LINGO2: variants seen among roughly 807,000 people sequenced by gnomAD.
LINGO2 encodes the protein leucine-rich repeat and immunoglobulin-like domain-containing nogo receptor-interacting protein 2.
In LINGO2, 14 loss-of-function variants were observed where a neutral mutation model predicts 30.6. That is an observed-to-expected ratio of 0.46 (90% CI 0.30 to 0.72). LINGO2 has a LOEUF of 0.72. LINGO2 is among the 30% of genes least tolerant of loss of function. The pLI, the probability that LINGO2 is intolerant of heterozygous loss-of-function variation, is 0.07. For synonymous variants in LINGO2, 317 were observed against 288.5 expected, an observed-to-expected ratio of 1.10 and a Z score of -1.00; for missense variants, 729 against 751.7, an observed-to-expected ratio of 0.97 and a Z score of 0.35.
chr9:28,808,591 G>A, the LINGO2 span, among the ~76,000 whole-genome samples: 1 of 152,288 alleles, frequency 6.6e-6, no homozygotes, highest in Admixed American at 6.5e-5. Context: ...TTTTGTAAGT[G>A]TGGAGTTTGG....
chr9:28,435,596 G>C (rs1209401046), intron 2 of LINGO2, among the ~76,000 whole-genome samples: 1 of 152,146 alleles, frequency 6.6e-6, no homozygotes, highest in Non-Finnish European at 1.5e-5. Context: ...AATGTAATAG[G>C]AGAAAAAACA....
chr9:28,931,639 A>T, the LINGO2 span, among the ~76,000 whole-genome samples: 3 of 152,228 alleles, frequency 2.0e-5, no homozygotes, highest in Non-Finnish European at 4.4e-5. Context: ...GGCATCGTAC[A>T]GTATAAAATT....
chr9:28,732,920 C>T, the LINGO2 span, among the ~76,000 whole-genome samples: 1 of 152,170 alleles, frequency 6.6e-6, no homozygotes, highest in African/African-American at 2.4e-5. Context: ...TTGGAGAGGC[C>T]AGTTCTGGAG....
At chr9:29,014,150 T>G in the LINGO2 span, among the ~76,000 whole-genome samples, 1 of 152,306 alleles carries the variant, frequency 6.6e-6, no homozygotes, top group South Asian at 2.1e-4. Context: ...TGTTTATTAT[T>G]TCCTCCAGAT....
chr9:28,472,251 A>G (rs945769764), intron 2 of LINGO2, among the ~76,000 whole-genome samples: 2 of 152,138 alleles, frequency 1.3e-5, no homozygotes, highest in Admixed American at 6.5e-5. Context: ...TTTATATACC[A>G]GAAAACAGAA....
chr9:28,770,868 G>A, the LINGO2 span, among the ~76,000 whole-genome samples: 1 of 152,114 alleles, frequency 6.6e-6, no homozygotes, highest in Non-Finnish European at 1.5e-5. Flanking sequence ...CCAAAAGAAG[G>A]ACAGAATTTT....
intron 4 of LINGO2, among the ~76,000 whole-genome samples, chr9:28,075,310 T>G (rs1242126187): frequency 6.6e-6 from 1 of 152,048 alleles, no homozygotes; most frequent in Non-Finnish European, 1.5e-5. Flanking sequence ...TTCCTTTTAT[T>G]GTTGTTTAGT....
At position 28,147,819 on chromosome 9, in the gene LINGO2, G is replaced by A. The variant is rs552732502; in HGVS notation, c.-86-135414C>T. Among the ~76,000 whole-genome samples, 393 of 152,192 alleles carry A rather than the reference G, an allele frequency of 2.6e-3. 3 individuals are homozygous for A. Among genetic ancestry groups the A allele is most frequent in the Non-Finnish European group, 4.8e-3 (326 of 67,992 alleles). ...TTTGACTCCTCTTGTAGGCACCCTC[G>A]CTGGGCTCCTAAGCACTCCTCCACA... is the stretch of plus-strand genomic sequence containing the variant. On this transcript the variant is annotated intron_variant, in intron 4 of 5. Transcript: ENST00000379992. This position sits in a 1 kb window ranked among gnomAD's most constrained non-coding sequence, Gnocchi z 4.7.
chr9:28,122,240 A>G (rs945999450), intron 4 of LINGO2, among the ~76,000 whole-genome samples: 1 of 152,212 alleles, frequency 6.6e-6, no homozygotes, highest in Non-Finnish European at 1.5e-5. Context: ...ATTAAAAATA[A>G]TTTTCAGGAA....
the LINGO2 span, among the ~76,000 whole-genome samples, chr9:29,158,906 T>C: frequency 1.3e-5 from 2 of 152,180 alleles, no homozygotes; most frequent in African/African-American, 4.8e-5. Flanking sequence ...CTCATTTCTT[T>C]TGAGCCCTGC....
intron 4 of LINGO2, among the ~76,000 whole-genome samples, chr9:28,224,561 T>C (rs1277572942): frequency 6.6e-6 from 1 of 152,206 alleles, no homozygotes; most frequent in Non-Finnish European, 1.5e-5. Context: ...AAATAGATTA[T>C]GATTCACTGA....
In LINGO2 at chr9:28,148,278, G is replaced by A; in HGVS notation, c.-86-135873C>T. On this transcript the variant is annotated intron_variant, in intron 4 of 5. Transcript: ENST00000379992. This position sits in a 1 kb window ranked among gnomAD's most constrained non-coding sequence, Gnocchi z 5.1. ...AGGGTCCTGTCTCCTGTGGTCTGGAGCCCCGCCTCAAGGAAGAAACCCATG... is the reference window on the plus strand; with the variant it reads ...AGGGTCCTGTCTCCTGTGGTCTGGAACCCCGCCTCAAGGAAGAAACCCATG... 2.6e-6 allele frequency: 2 copies of A among 782,614 alleles called. No individual in the cohort carries two copies. Among genetic ancestry groups the A allele is most frequent in the South Asian group, 1.6e-5 (1 of 62,534 alleles). The allele number at this position is 782,614 out of a possible 1,614,324, so 48.5% of individuals were successfully genotyped here.
At chr9:28,117,771 G>A (rs1054313674) in intron 4 of LINGO2, among the ~76,000 whole-genome samples, 3 of 148,698 alleles carry the variant, frequency 2.0e-5, no homozygotes, top group Non-Finnish European at 4.5e-5. Context: ...GCTTCGGCTC[G>A]CGGACGGTGC....
At chr9:28,411,343 G>T (rs906245191) in intron 2 of LINGO2, among the ~76,000 whole-genome samples, 7 of 151,752 alleles carry the variant, frequency 4.6e-5, no homozygotes, top group African/African-American at 1.5e-4. Flanking sequence ...TCTTATAATT[G>T]TAACAAAAAA....
intron 2 of LINGO2, among the ~76,000 whole-genome samples, chr9:28,388,084 G>A (rs1821669877): frequency 1.3e-5 from 2 of 152,142 alleles, no homozygotes; most frequent in Non-Finnish European, 2.9e-5. Flanking sequence ...TAAACATAGT[G>A]CTTTATCATT....
chr9:29,004,683 C>A, the LINGO2 span, among the ~76,000 whole-genome samples: 3 of 152,042 alleles, frequency 2.0e-5, no homozygotes, highest in Non-Finnish European at 4.4e-5. Context: ...GAATTCAGGT[C>A]TATATAACAG....
chr9:27,982,898 A>G (rs1425746147), intron 5 of LINGO2, among the ~76,000 whole-genome samples: 2 of 151,906 alleles, frequency 1.3e-5, no homozygotes, highest in East Asian at 3.9e-4. Context: ...AAAGTGCTTT[A>G]CATACACTTA....
At chr9:28,353,502 A>T (rs1212552415) in intron 3 of LINGO2, among the ~76,000 whole-genome samples, 3 of 152,120 alleles carry the variant, frequency 2.0e-5, no homozygotes, top group Admixed American at 2.0e-4. Context: ...GTCAGGAAAC[A>T]GCAGGTGCTG....
chr9:28,166,987 C>A (rs72726913), intron 4 of LINGO2, among the ~76,000 whole-genome samples: 17,099 of 152,064 alleles, frequency 0.11, 1,395 homozygotes, highest in Non-Finnish European at 0.17. Flanking sequence ...TCTCGAAGTT[C>A]TGTGTGACTC....
Sources: gnomAD v4.1 joint callset for allele counts (sites outside exome capture counted in the v4.1 genomes callset) on GRCh38, gnomAD v4.1.1 for gene constraint, Gnocchi (gnomAD v3.1) non-coding constraint, MANE v1.5 for transcripts, NCBI Gene and HGNC (gene_info 2026-07-23, HGNC 2026-07-21) for gene names.